The following SPMAP2L variants were observed in gnomAD, a reference collection of about 807,000 sequenced individuals.
The protein encoded by SPMAP2L is sperm microtubule associated protein 2-like.
the SPMAP2L span, among the ~76,000 whole-genome samples, chr4:56,538,732 G>A: frequency 6.6e-6 from 1 of 152,184 alleles, no homozygotes; most frequent in Admixed American, 6.5e-5. Flanking sequence ...GAATCCGGGA[G>A]GTGGAGGTTG....
chr4:56,548,279 T>G, the SPMAP2L span, among the ~76,000 whole-genome samples: 1 of 152,300 alleles, frequency 6.6e-6, no homozygotes, highest in South Asian at 2.1e-4. Flanking sequence ...CTTTTACTTA[T>G]GTTAGTTATT....
chr4:56,533,145 G>A, the SPMAP2L span, among the ~76,000 whole-genome samples: 3 of 152,222 alleles, frequency 2.0e-5, no homozygotes, highest in East Asian at 5.8e-4. Flanking sequence ...ACCCTTGCCT[G>A]CACTTGGAAT....
chr4:56,575,204 G>A, the SPMAP2L span, among the ~76,000 whole-genome samples: 17 of 150,814 alleles, frequency 1.1e-4, 1 homozygote, highest in South Asian at 3.1e-3. Flanking sequence ...AGCCAAGATC[G>A]CACCACTGCA....
the SPMAP2L span, chr4:56,557,803 A>G: frequency 6.6e-6 from 1 of 152,220 alleles, no homozygotes; most frequent in Non-Finnish European, 1.5e-5. Context: ...GATATGGACC[A>G]TAGAAGATTA....
the SPMAP2L span, among the ~76,000 whole-genome samples, chr4:56,589,334 G>A: frequency 3.3e-5 from 5 of 152,074 alleles, no homozygotes; most frequent in East Asian, 5.8e-4. Context: ...TGGTGACTAC[G>A]GCCTTATAGT....
At chr4:56,610,867 G>A in the SPMAP2L span, among the ~76,000 whole-genome samples, 5 of 152,158 alleles carry the variant, frequency 3.3e-5, no homozygotes, top group African/African-American at 1.2e-4. Flanking sequence ...CTAATGATGA[G>A]GGAAATGCAA....
the SPMAP2L span, among the ~76,000 whole-genome samples, chr4:56,583,089 A>G: frequency 6.6e-6 from 1 of 152,126 alleles, no homozygotes; most frequent in African/African-American, 2.4e-5. Context: ...CCTGGCCAAC[A>G]TGGTGAAACC....
the SPMAP2L span, among the ~76,000 whole-genome samples, chr4:56,556,686 A>G: frequency 2.0e-5 from 3 of 152,216 alleles, no homozygotes. Flanking sequence ...AGCCTGGCCA[A>G]CATGGCGAAA....
At chr4:56,550,925 C>T in the SPMAP2L span, among the ~76,000 whole-genome samples, 3 of 150,078 alleles carry the variant, frequency 2.0e-5, no homozygotes, top group South Asian at 2.1e-4. Context: ...TGCACTCCAG[C>T]GTGGGGAACA....
the SPMAP2L span, among the ~76,000 whole-genome samples, chr4:56,563,492 G>A: frequency 1.3e-5 from 2 of 152,036 alleles, no homozygotes; most frequent in Admixed American, 1.3e-4. Flanking sequence ...TTAGCTCTCT[G>A]AGGAAAGACT....
chr4:56,537,650 C>T, the SPMAP2L span, among the ~76,000 whole-genome samples: 3 of 152,088 alleles, frequency 2.0e-5, no homozygotes. Context: ...CACACTCACT[C>T]CAGTTGTCCA....
At chr4:56,593,184 T>C in the SPMAP2L span, 1 of 1,516,446 alleles carries the variant, frequency 6.6e-7, no homozygotes, top group South Asian at 1.1e-5. Flanking sequence ...CTGGAGAGTT[T>C]ACTCAACTAC....
At chr4:56,605,114 A>G in the SPMAP2L span, among the ~76,000 whole-genome samples, 6 of 152,196 alleles carry the variant, frequency 3.9e-5, no homozygotes, top group Non-Finnish European at 8.8e-5. Flanking sequence ...TAACTTATCT[A>G]TGTAACCAAA....
the SPMAP2L span, among the ~76,000 whole-genome samples, chr4:56,565,296 CTA>C: frequency 6.6e-6 from 1 of 152,162 alleles, no homozygotes; most frequent in African/African-American, 2.4e-5. Flanking sequence ...GTGGATTTGT[CTA>C]TTTCTCCTTG....
chr4:56,530,824 G>A, the SPMAP2L span: 1 of 1,535,364 alleles, frequency 6.5e-7, no homozygotes, highest in South Asian at 1.2e-5. Flanking sequence ...TGAGGAGTCC[G>A]AGGATCCCGA....
chr4:56,577,800 T>TA, the SPMAP2L span, among the ~76,000 whole-genome samples: 1 of 152,146 alleles, frequency 6.6e-6, no homozygotes, highest in Admixed American at 6.5e-5. Flanking sequence ...TCCTGGGCAT[T>TA]ATAGTGAGAT....
At chr4:56,560,184 G>C in the SPMAP2L span, among the ~76,000 whole-genome samples, 6 of 152,072 alleles carry the variant, frequency 3.9e-5, no homozygotes, top group Non-Finnish European at 7.4e-5. Flanking sequence ...CAAGTTAGGG[G>C]CTCCAATTTT....
At chr4:56,590,907 G>T in the SPMAP2L span, among the ~76,000 whole-genome samples, 1 of 152,020 alleles carries the variant, frequency 6.6e-6, no homozygotes, top group East Asian at 1.9e-4. Context: ...GTCGTACAAA[G>T]AGGTAGGATC....
chr4:56,619,530 T>C, the SPMAP2L span, among the ~76,000 whole-genome samples: 1 of 152,242 alleles, frequency 6.6e-6, no homozygotes, highest in African/African-American at 2.4e-5. Context: ...CAGCACAATG[T>C]CCTTAAGCTT....
Sources: gnomAD v4.1 joint callset for allele counts (sites outside exome capture counted in the v4.1 genomes callset) on GRCh38, gnomAD v4.1.1 for gene constraint, MANE v1.5 for transcripts, NCBI Gene and HGNC (gene_info 2026-07-23, HGNC 2026-07-21) for gene names.